VSIG1: variants seen among roughly 807,000 people sequenced by gnomAD.
The protein encoded by VSIG1 is V-set and immunoglobulin domain containing 1.
VSIG1 carries 11 observed loss-of-function variants against 20.1 expected under a neutral mutation model. The observed-to-expected ratio is 0.55, with a 90% CI of 0.34 to 0.91. VSIG1 has a LOEUF of 0.91. Among genes scored for constraint, VSIG1 ranks in the 40% least tolerant of loss-of-function variants. VSIG1 has a pLI of 0.02. For synonymous variants in VSIG1, 126 were observed against 116.7 expected, an observed-to-expected ratio of 1.08 and a Z score of -0.52; for missense variants, 283 against 298.8, an observed-to-expected ratio of 0.95 and a Z score of 0.39.
the VSIG1 span, among the ~76,000 whole-genome samples, chrX:108,020,028 T>G: frequency 6.3e-4 from 70 of 111,821 alleles, no homozygotes; most frequent in African/African-American, 2.1e-3. Context: ...TTCCTGCCAC[T>G]TCTGTGTTGA....
intron 1 of VSIG1, among the ~76,000 whole-genome samples, chrX:108,053,499 G>C (rs2030828265): frequency 9.0e-6 from 1 of 111,119 alleles, no homozygotes; most frequent in Non-Finnish European, 1.9e-5. Context: ...AAAACACTAT[G>C]AATAAGTCAA....
chrX:108,075,951 T>C, intron 5 of VSIG1, 126 bp from the exon 6 acceptor site: 1 of 825,564 alleles, frequency 1.2e-6, no homozygotes. Context: ...GGGTTTCCAT[T>C]TCCCTAGCCT....
the VSIG1 span, among the ~76,000 whole-genome samples, chrX:108,029,394 G>A: frequency 1.8e-5 from 2 of 111,014 alleles, no homozygotes; most frequent in Non-Finnish European, 3.8e-5. Context: ...ATAAGTTTGC[G>A]GTGTGCTTCT....
the VSIG1 span, among the ~76,000 whole-genome samples, chrX:108,029,569 T>A: frequency 3.6e-5 from 4 of 112,225 alleles, no homozygotes; most frequent in Non-Finnish European, 7.5e-5. Context: ...AGATTGTTGT[T>A]GGAGTGTTAG....
chrX:108,019,384 T>C, the VSIG1 span, among the ~76,000 whole-genome samples: 1 of 112,523 alleles, frequency 8.9e-6, no homozygotes, highest in Non-Finnish European at 1.9e-5. Flanking sequence ...CCCCCCCGTG[T>C]TGCATATAAA....
intron 2 of VSIG1, chrX:108,064,758 A>G: frequency 1.3e-6 from 1 of 753,373 alleles, no homozygotes; most frequent in Non-Finnish European, 1.6e-6. Flanking sequence ...TGTGAAGGGC[A>G]CTCTTGATGG....
chrX:108,041,667 A>G (rs1477466659), upstream of VSIG1, among the ~76,000 whole-genome samples: 3 of 107,818 alleles, frequency 2.8e-5, no homozygotes, highest in Non-Finnish European at 3.8e-5. Context: ...AAGGGATTAC[A>G]TGTGTGAGTG....
At chrX:108,073,139 A>C in intron 4 of VSIG1, 111 bp from the exon 5 acceptor site, 6 of 954,421 alleles carry the variant, frequency 6.3e-6, no homozygotes, top group Non-Finnish European at 7.3e-6. Context: ...TGAACATCTC[A>C]AGAAAGAGAG....
At chrX:108,070,514 A>C (rs1342100737) in intron 3 of VSIG1, among the ~76,000 whole-genome samples, 1 of 112,703 alleles carries the variant, frequency 8.9e-6, no homozygotes, top group African/African-American at 3.2e-5. Flanking sequence ...TCAAGAAATG[A>C]GTGCAAGTCA....
At chrX:108,060,019 G>A (rs1020289026) in intron 2 of VSIG1, among the ~76,000 whole-genome samples, 6 of 111,623 alleles carry the variant, frequency 5.4e-5, no homozygotes, top group Non-Finnish European at 1.1e-4. Flanking sequence ...GAACTGGGAG[G>A]GAGCTGCAGA....
chrX:108,024,484 C>T, the VSIG1 span, among the ~76,000 whole-genome samples: 1 of 107,490 alleles, frequency 9.3e-6, no homozygotes, highest in Non-Finnish European at 1.9e-5. Flanking sequence ...CTTCTGCTTG[C>T]TTTGAGATCA....
the VSIG1 span, among the ~76,000 whole-genome samples, chrX:108,019,139 C>A: frequency 8.9e-6 from 1 of 112,005 alleles, no homozygotes; most frequent in Non-Finnish European, 1.9e-5. Context: ...AAGTGTTCCA[C>A]TCTGGTATTG....
At chrX:108,061,368 T>A in intron 2 of VSIG1, 1 of 888,037 alleles carries the variant, frequency 1.1e-6, no homozygotes, top group Non-Finnish European at 1.6e-6. Flanking sequence ...CCTGGGTTGA[T>A]GTGGCAGTAT....
At chrX:108,050,937 T>A (rs2030772562) in intron 1 of VSIG1, among the ~76,000 whole-genome samples, 1 of 110,707 alleles carries the variant, frequency 9.0e-6, no homozygotes, top group South Asian at 3.9e-4. Context: ...GTATCCTATG[T>A]TTCCCACCCA....
upstream of VSIG1, among the ~76,000 whole-genome samples, chrX:108,043,266 G>A (rs2030509057): frequency 8.9e-6 from 1 of 112,323 alleles, no homozygotes; most frequent in African/African-American, 3.2e-5. Flanking sequence ...GCCAGTGCTA[G>A]ATTATGTGCT....
chrX:108,052,489 G>A (rs1400045768), intron 1 of VSIG1, among the ~76,000 whole-genome samples: 1 of 110,438 alleles, frequency 9.1e-6, no homozygotes, highest in African/African-American at 3.3e-5. Flanking sequence ...GGTGGCATGT[G>A]CCTGTGGTCC....
At chrX:108,076,961 T>C (rs1414024014) in intron 6 of VSIG1, 87 bp from the exon 7 acceptor site, 3 of 914,845 alleles carry the variant, frequency 3.3e-6, no homozygotes, top group Non-Finnish European at 4.6e-6. Flanking sequence ...CCTATGGTCA[T>C]TGAAGCTACA....
the VSIG1 span, among the ~76,000 whole-genome samples, chrX:108,035,945 C>T: frequency 9.4e-6 from 1 of 106,244 alleles, no homozygotes; most frequent in Non-Finnish European, 1.9e-5. Context: ...AAGTCACTTA[C>T]CTCTCTGAAC....
At chrX:108,046,004 G>C (rs767632051) in intron 1 of VSIG1, among the ~76,000 whole-genome samples, 3 of 111,214 alleles carry the variant, frequency 2.7e-5, no homozygotes, top group African/African-American at 9.8e-5. Context: ...AAAATATTAA[G>C]TGAAAAAGCA....
Sources: allele counts gnomAD v4.1 joint callset (sites outside exome capture counted in the v4.1 genomes callset), GRCh38; gene constraint gnomAD v4.1.1; transcripts MANE v1.5; gene names NCBI Gene and HGNC (gene_info 2026-07-23, HGNC 2026-07-21).